CCDC7: variants seen among roughly 807,000 people sequenced by gnomAD.
CCDC7 encodes coiled-coil domain-containing protein 7.
Under a neutral mutation model 196.9 loss-of-function variants are expected in CCDC7, and 183 were observed. The ratio of observed to expected loss-of-function variants is 0.93; its 90% confidence interval spans 0.82 to 1.05. CCDC7 has a LOEUF of 1.05. CCDC7 is among the 50% of genes least tolerant of loss of function. CCDC7 has a pLI of 0.00. For missense variants in CCDC7, 1,540 were observed against 1,482.2 expected, an observed-to-expected ratio of 1.04 and a Z score of -0.64; for synonymous variants, 525 against 484.6, an observed-to-expected ratio of 1.08 and a Z score of -1.10.
chr10:32,777,578 C>T (rs749713441), intron 28 of CCDC7, among the ~76,000 whole-genome samples: 7 of 151,924 alleles, frequency 4.6e-5, no homozygotes, highest in Non-Finnish European at 7.4e-5. Context: ...TATTCTGGGC[C>T]GGGTGTGGTG....
At chr10:32,490,601 C>T (rs1407077933) in intron 8 of CCDC7, among the ~76,000 whole-genome samples, 1 of 152,062 alleles carries the variant, frequency 6.6e-6, no homozygotes. Context: ...TTGAGACCAT[C>T]CTGGCTAACA....
intron 24 of CCDC7, among the ~76,000 whole-genome samples, chr10:32,710,160 G>T (rs2080582415): frequency 6.6e-6 from 1 of 152,106 alleles, no homozygotes; most frequent in South Asian, 2.1e-4. Flanking sequence ...AGCCCACAAG[G>T]TACCACTAAG....
intron 16 of CCDC7, chr10:32,574,465 TC>T: frequency 6.3e-7 from 1 of 1,591,590 alleles, no homozygotes; most frequent in Admixed American, 1.8e-5. Context: ...TGGAAAAGTC[TC>T]CCAAACCTTC....
intron 23 of CCDC7, among the ~76,000 whole-genome samples, chr10:32,693,595 G>T (rs1439279854): frequency 6.6e-6 from 1 of 151,950 alleles, no homozygotes; most frequent in African/African-American, 2.4e-5. Flanking sequence ...ATAGTGTGTG[G>T]TATACAGCAC....
chr10:32,521,997 T>C (rs1301316497), intron 11 of CCDC7, among the ~76,000 whole-genome samples: 1 of 152,214 alleles, frequency 6.6e-6, no homozygotes. Context: ...ATATGATGTA[T>C]CACATTGATT....
At chr10:32,746,122 G>A (rs1170694505) in intron 28 of CCDC7, among the ~76,000 whole-genome samples, 1 of 152,078 alleles carries the variant, frequency 6.6e-6, no homozygotes, top group African/African-American at 2.4e-5. Flanking sequence ...CCATCAAGAA[G>A]ACGGACACAC....
chr10:32,835,824 G>A (rs1014454762), intron 33 of CCDC7, among the ~76,000 whole-genome samples: 10 of 151,918 alleles, frequency 6.6e-5, no homozygotes, highest in African/African-American at 1.9e-4. Flanking sequence ...CTTGTACCCC[G>A]AACTTAAAAT....
At chr10:32,517,905 T>G (rs992990409) in intron 9 of CCDC7, 40 bp from the exon 11 acceptor site, 2 of 1,565,644 alleles carry the variant, frequency 1.3e-6, no homozygotes, top group Admixed American at 3.8e-5. Context: ...AAAATATAAA[T>G]GTACAATTAT....
chr10:32,669,410 G>A (rs2073579103), intron 21 of CCDC7, among the ~76,000 whole-genome samples: 1 of 152,096 alleles, frequency 6.6e-6, no homozygotes. Flanking sequence ...AATGAGTTTG[G>A]AAGTGATCTC....
chr10:32,729,707 A>C (rs1159959305), intron 28 of CCDC7, among the ~76,000 whole-genome samples: 1 of 152,022 alleles, frequency 6.6e-6, no homozygotes, highest in Non-Finnish European at 1.5e-5. Flanking sequence ...ATAATGCTCT[A>C]TTTTTGTGTG....
chr10:32,861,542 C>T (rs1165661788), intron 41 of CCDC7, among the ~76,000 whole-genome samples: 14 of 152,096 alleles, frequency 9.2e-5, no homozygotes, highest in Non-Finnish European at 1.5e-5. Flanking sequence ...ACACCAAAAG[C>T]AATTGCAATA....
Position 32,819,212 on chromosome 10 carries a change from TA to T in CCDC7, c.3181+4760del, listed in dbSNP as rs2089591840. Among the ~76,000 whole-genome samples the T allele has an allele frequency of 2.0e-5, 3 of 152,146 alleles. No individual in the cohort carries two copies. In the South Asian group the frequency reaches 6.2e-4, roughly 32 times the overall value. On this transcript the variant is annotated intron_variant, in intron 31 of 41. Transcript: ENST00000639629. ...CTCTACACAAATAAACTAGAAAATC[TA>T]GAAGAAATGGATACATTCCTTGACA...
intron 11 of CCDC7, among the ~76,000 whole-genome samples, chr10:32,527,194 C>T (rs551760415): frequency 1.6e-4 from 25 of 152,204 alleles, no homozygotes; most frequent in African/African-American, 4.1e-4. Context: ...GACAGGGCAG[C>T]GCTGGGTTCA....
intron 20 of CCDC7, among the ~76,000 whole-genome samples, chr10:32,648,621 C>T (rs1456582033): frequency 6.6e-6 from 1 of 152,178 alleles, no homozygotes; most frequent in Non-Finnish European, 1.5e-5. Context: ...CTAATTTACA[C>T]TCCCACCAAC....
intron 18 of CCDC7, among the ~76,000 whole-genome samples, chr10:32,598,841 C>T (rs2060695069): frequency 6.6e-6 from 1 of 151,940 alleles, no homozygotes; most frequent in Non-Finnish European, 1.5e-5. Context: ...TGTGGTCTTT[C>T]CTACAGAGTG....
At chr10:32,779,115 G>C in intron 29 of CCDC7, 31 bp downstream of exon 30, 1 of 1,405,392 alleles carries the variant, frequency 7.1e-7, no homozygotes, top group Non-Finnish European at 9.8e-7. Context: ...GGATACAGTA[G>C]AACACAATCT....
At chr10:32,596,890 C>T (rs978664310) in intron 18 of CCDC7, among the ~76,000 whole-genome samples, 1 of 152,198 alleles carries the variant, frequency 6.6e-6, no homozygotes, top group South Asian at 2.1e-4. Context: ...TCTGCCGAGA[C>T]ATCTGCTGTT....
chr10:32,450,129 C>T (rs1198868493), upstream of CCDC7, among the ~76,000 whole-genome samples: 11 of 152,164 alleles, frequency 7.2e-5, no homozygotes, highest in Non-Finnish European at 1.5e-5. Context: ...TTCTGGAGGC[C>T]AGAAAACTGA....
rs780275693 is a variant in CCDC7 at position 32,876,387 on chromosome 10, C to A, written c.4152C>A (p.Tyr1384Ter). 13 of 1,609,952 alleles carry A rather than the reference C, an allele frequency of 8.1e-6. No homozygotes were observed. Among genetic ancestry groups the A allele is most frequent in the Non-Finnish European group, 1.1e-5 (13 of 1,177,408 alleles). The change falls in exon 42 of 42, where the codon TAC (tyrosine) becomes TAA (stop). Residue 1384 changes from tyrosine (Y) to a stop codon, truncating the protein, a stop_gained. Transcript: ENST00000639629. LOFTEE classifies it high-confidence loss of function. ...CCCGAAAATCTGTACCACACCCATACTTTTGAGAATGAAGGAAATTCTGAG... is the reference window on the plus strand; with the variant it reads ...CCCGAAAATCTGTACCACACCCATAATTTTGAGAATGAAGGAAATTCTGAG...
Sources: gnomAD v4.1 joint callset for allele counts (sites outside exome capture counted in the v4.1 genomes callset) on GRCh38, gnomAD v4.1.1 for gene constraint, MANE v1.5 for transcripts, NCBI Gene and HGNC (gene_info 2026-07-23, HGNC 2026-07-21) for gene names.